AMTN: variants seen among roughly 807,000 people sequenced by gnomAD.
AMTN encodes the protein amelotin, also known as RSTI689.
A neutral mutation model predicts 27.4 loss-of-function variants in AMTN; 29 were observed. That is an observed-to-expected ratio of 1.06 (90% CI 0.79 to 1.44). The LOEUF (loss-of-function observed/expected upper bound fraction) is 1.44, where lower values mean the gene tolerates loss of function less well. AMTN is among the 40% of genes most tolerant of loss of function. The pLI, the probability that AMTN is intolerant of heterozygous loss-of-function variation, is 0.00. For synonymous variants in AMTN, 86 were observed against 95.7 expected (o/e 0.90, Z 0.59); for missense variants, 247 against 248.8 (o/e 0.99, Z 0.05).
At chr4:70,520,583 T>C (rs1735932024) in intron 2 of AMTN, among the ~76,000 whole-genome samples, 1 of 152,232 alleles carries the variant, frequency 6.6e-6, no homozygotes, top group East Asian at 1.9e-4. Context: ...TCTTACTATA[T>C]GCCAGACATG....
intron 2 of AMTN, among the ~76,000 whole-genome samples, chr4:70,521,446 A>G (rs924259848): frequency 1.3e-5 from 2 of 149,694 alleles, no homozygotes; most frequent in Non-Finnish European, 3.0e-5. Context: ...GCAGAGACTG[A>G]GAAAAGAAGC....
At chr4:70,529,628 C>G (rs757756842) in intron 7 of AMTN, among the ~76,000 whole-genome samples, 1 of 152,052 alleles carries the variant, frequency 6.6e-6, no homozygotes, top group East Asian at 1.9e-4. Context: ...CTTTTTCCAG[C>G]GTCAGATAGT....
chr4:70,523,012 G>A (rs139939210), intron 3 of AMTN, among the ~76,000 whole-genome samples, 174 bp downstream of exon 3: 90 of 152,272 alleles, frequency 5.9e-4, no homozygotes, highest in Admixed American at 2.2e-3. Context: ...GAAAAGAACC[G>A]ATATAATTTT....
At chr4:70,520,273 G>A (rs1735927068) in intron 2 of AMTN, among the ~76,000 whole-genome samples, 1 of 152,198 alleles carries the variant, frequency 6.6e-6, no homozygotes, top group African/African-American at 2.4e-5. Flanking sequence ...ACACTGAAAT[G>A]TCTATTCAGT....
At chr4:70,524,018 G>T in intron 4 of AMTN, 85 bp downstream of exon 4, 1 of 1,102,012 alleles carries the variant, frequency 9.1e-7, no homozygotes, top group Non-Finnish European at 1.4e-6. Context: ...ATGTATATGG[G>T]TGCGTATATC....
intron 8 of AMTN, 65 bp downstream of exon 8, chr4:70,531,365 G>T: frequency 1.3e-6 from 2 of 1,591,194 alleles, no homozygotes; most frequent in Non-Finnish European, 1.7e-6. Context: ...TGGAAAAGAG[G>T]AGTTCTTTGT....
At chr4:70,522,624 A>G in intron 2 of AMTN, 131 bp from the exon 3 acceptor site, 1 of 865,954 alleles carries the variant, frequency 1.2e-6, no homozygotes, top group Non-Finnish European at 1.9e-6. Context: ...GTTTCAGGGA[A>G]TCAAACTCCT....
chr4:70,524,896 C>A lies in AMTN; in HGVS notation c.229C>A (p.Pro77Thr), dbSNP rs927313707. Reference protein sequence around the residue: ...HLLNPAAGMTPGTQTHPLTLG... With the variant: ...HLLNPAAGMTTGTQTHPLTLG... ...GTTAAATCCTGCTGCAGGAATGACA[C>A]CTGGTACCCAGACCCACCCATTGAC... is the stretch of plus-strand genomic sequence containing the variant. Residue 77 changes from proline to threonine, a missense_variant, in exon 5 of 9, where the codon CCT becomes ACT. Coordinates refer to ENST00000339336, the MANE Select transcript of AMTN (RefSeq NM_212557.4). 6.2e-7 allele frequency: 1 copy of A among 1,614,032 alleles called. No homozygotes were observed. The highest frequency in any genetic ancestry group is 1.1e-5 in the South Asian group (1 of 91,072).
intron 2 of AMTN, among the ~76,000 whole-genome samples, chr4:70,522,208 T>C (rs1304801270): frequency 6.6e-6 from 1 of 151,150 alleles, no homozygotes; most frequent in African/African-American, 2.5e-5. Flanking sequence ...TAGAAAAAAA[T>C]AATACAACTA....
rs771229063 is a variant in AMTN, at chr4:70,524,918, T to G, written c.251T>G (p.Leu84Trp). ...GMTPGTQTHP[L>W]TLGGLNVQQQ... ...ACACCTGGTACCCAGACCCACCCAT[T>G]GACCCTGGGAGGGTTGAATGTACAA... The change falls in exon 5 of 9, where the codon TTG (leucine) becomes TGG (tryptophan). Residue 84 changes from leucine to tryptophan, a missense_variant. Coordinates refer to ENST00000339336, the MANE Select transcript of AMTN (RefSeq NM_212557.4). 2.5e-6 allele frequency: 4 copies of G among 1,614,072 alleles called. No individual in the cohort carries two copies. The Admixed American group carries it at 5.0e-5, about 20-fold the overall frequency.
chr4:70,525,127 GA>G (rs1258734312), intron 5 of AMTN, among the ~76,000 whole-genome samples, 166 bp downstream of exon 5: 1 of 152,180 alleles, frequency 6.6e-6, no homozygotes, highest in Non-Finnish European at 1.5e-5. Flanking sequence ...GGTTCTTAAT[GA>G]AAATTCATAA....
At chr4:70,520,043 G>A (rs932076146) in intron 2 of AMTN, among the ~76,000 whole-genome samples, 2 of 147,708 alleles carry the variant, frequency 1.4e-5, no homozygotes, top group African/African-American at 2.5e-5. Context: ...CTTTCACTTC[G>A]TCAAATACAT....
At position 70,532,741 on chromosome 4, in the gene AMTN, T is replaced by C. The variant is rs953129893; in HGVS notation, c.*276T>C. 3.1e-6 allele frequency: 1 copy of C among 326,972 alleles called. No homozygotes were observed. Among genetic ancestry groups the C allele is most frequent in the African/African-American group, 2.1e-5 (1 of 46,524 alleles). The allele number at this position is 326,972 out of a possible 1,614,324, so 20.3% of individuals were successfully genotyped here. A position where few individuals can be genotyped will look rare whatever the true frequency, so the allele number is the denominator to read the frequency against. ...GCATATTAAAACATATTTGGAAAAC[T>C]GACTCTTTTTCTTCTTTGGAGATGG... On this transcript the variant is annotated 3_prime_UTR_variant, in exon 9 of 9. Transcript: ENST00000339336.
intron 4 of AMTN, among the ~76,000 whole-genome samples, chr4:70,524,495 C>T (rs774855589): frequency 3.4e-4 from 51 of 152,056 alleles, no homozygotes; most frequent in Non-Finnish European, 5.6e-4. Context: ...ATAATTTTCA[C>T]GCATAACCTA....
intron 3 of AMTN, among the ~76,000 whole-genome samples, chr4:70,523,124 A>T (rs1427033824): frequency 6.6e-6 from 1 of 152,190 alleles, no homozygotes; most frequent in Non-Finnish European, 1.5e-5. Flanking sequence ...TTTGAAAAGG[A>T]ATACCTACGT....
chr4:70,532,370 A>G, intron 8 of AMTN, 85 bp from the exon 9 acceptor site: 1 of 1,152,092 alleles, frequency 8.7e-7, no homozygotes, highest in Non-Finnish European at 1.3e-6. Flanking sequence ...CTAATCCTGC[A>G]AAAGAAACTT....
intron 2 of AMTN, among the ~76,000 whole-genome samples, chr4:70,519,934 C>CG (rs1735916982): frequency 7.5e-6 from 1 of 133,018 alleles, no homozygotes; most frequent in Non-Finnish European, 1.6e-5. Context: ...GTGTGTGTGT[C>CG]TGTGTGTGTG....
intron 5 of AMTN, among the ~76,000 whole-genome samples, chr4:70,528,521 G>A (rs572386188): frequency 6.6e-6 from 1 of 152,048 alleles, no homozygotes; most frequent in Non-Finnish European, 1.5e-5. Flanking sequence ...ATAGTAGCAG[G>A]CAACTGTAAT....
chr4:70,526,917 C>T (rs1473506887), intron 5 of AMTN, among the ~76,000 whole-genome samples: 1 of 152,210 alleles, frequency 6.6e-6, no homozygotes, highest in African/African-American at 2.4e-5. Flanking sequence ...TCTAGTCCCT[C>T]CAACCCTGCC....
Sources: allele counts gnomAD v4.1 joint callset (sites outside exome capture counted in the v4.1 genomes callset), GRCh38; gene constraint gnomAD v4.1.1; transcripts MANE v1.5; gene names NCBI Gene and HGNC (gene_info 2026-07-23, HGNC 2026-07-21).